FNBP4: variants seen among roughly 807,000 people sequenced by gnomAD.
The protein encoded by FNBP4 is formin-binding protein 4.
A neutral mutation model predicts 119.3 loss-of-function variants in FNBP4; 34 were observed. The ratio of observed to expected loss-of-function variants is 0.28; its 90% CI spans 0.22 to 0.38. The LOEUF (loss-of-function observed/expected upper bound fraction) is 0.38, where lower values mean the gene tolerates loss of function less well. Ranked by LOEUF, FNBP4 falls within the 10% of genes least tolerant of loss-of-function variation. FNBP4 has a pLI of 1.00. For synonymous variants in FNBP4, 462 were observed against 430.6 expected (o/e 1.07, Z -0.90); for missense variants, 1,112 against 1,228.9 (o/e 0.90, Z 1.42).
At chr11:47,739,065 C>T (rs2097578181) in intron 8 of FNBP4, among the ~76,000 whole-genome samples, 1 of 151,108 alleles carries the variant, frequency 6.6e-6, no homozygotes. Flanking sequence ...GGTATGATCA[C>T]AGCTTATTGC....
At chr11:47,752,368 T>C (rs544877322) in intron 4 of FNBP4, among the ~76,000 whole-genome samples, 11 of 148,030 alleles carry the variant, frequency 7.4e-5, no homozygotes, top group Admixed American at 1.4e-4. Context: ...GAGGTTGCAG[T>C]GAGCCGAGAT....
chr11:47,733,337 CT>C (rs950005832), intron 10 of FNBP4, among the ~76,000 whole-genome samples: 283 of 144,054 alleles, frequency 2.0e-3, no homozygotes, highest in Admixed American at 2.0e-3. Flanking sequence ...GGATTCAGTT[CT>C]TTTTTTTTTT....
rs1320434818 is a variant in FNBP4, at chr11:47,751,125, TTTTAAA to T, written c.785+12_785+17del. 1.2e-6 allele frequency: 2 copies of T among 1,613,748 alleles called. No homozygotes were observed. The highest frequency in any genetic ancestry group is 1.7e-6 in the Non-Finnish European group (2 of 1,179,850). Reference sequence around the variant, plus strand: ...TCAATTTCCTTCTAGGCAATTTCACTTTTAAATTTATTCTTACCTGGGCTGGTAATG... The same window carrying T: ...TCAATTTCCTTCTAGGCAATTTCACTTTTATTCTTACCTGGGCTGGTAATG... On this transcript the variant is annotated intron_variant, in intron 5 of 16. Coordinates refer to ENST00000263773, the MANE Select transcript of FNBP4 (RefSeq NM_015308.5).
chr11:47,755,823 G>A lies in FNBP4; in HGVS notation c.314-1159C>T, dbSNP rs573953949. Among the ~76,000 whole-genome samples, 4 of 151,404 alleles carry A rather than the reference G, an allele frequency of 2.6e-5. No homozygotes were observed. The South Asian group carries it at 6.3e-4, about 24-fold the overall frequency. ...AAAAAAAACAAAAACAAAAAAAATC[G>A]AGAACAAGAAAATTAATCTGCATAG... On this transcript the variant is annotated intron_variant, in intron 2 of 16. Transcript: ENST00000263773.
chr11:47,725,214 A>G (rs1254482347), intron 12 of FNBP4: 1 of 154,210 alleles, frequency 6.5e-6, no homozygotes, highest in Non-Finnish European at 1.4e-5. Flanking sequence ...AATAAAAGGT[A>G]ATAGTCTGGA....
chr11:47,753,032 G>A lies in FNBP4; in HGVS notation c.521C>T (p.Pro174Leu). Residue 174 changes from proline (P) to leucine (L), a missense_variant, in exon 4 of 17, where the codon CCT becomes CTT. Pro to Leu is a moderately conservative substitution (Grantham distance 98, BLOSUM62 -3). This residue lies in a region of FNBP4 where 286 missense variants were observed against 240.1 expected (regional missense o/e 1.19). Transcript: ENST00000263773. ...VGASAPPPTP[P>L]RPEPKEAATS... ...TGCTGCTTCCTTTGGCTCTGGTCGA[G>A]GTGGAGTTGGAGGTGGAGCAGAAGC... 6.2e-7 allele frequency: 1 copy of A among 1,614,136 alleles called. No individual in the cohort carries two copies. The highest frequency in any genetic ancestry group is 8.5e-7 in the Non-Finnish European group (1 of 1,180,012).
chr11:47,762,345 T>C (rs1599267927), intron 2 of FNBP4, among the ~76,000 whole-genome samples: 1 of 152,018 alleles, frequency 6.6e-6, no homozygotes, highest in South Asian at 2.1e-4. Flanking sequence ...GCCAGGATGG[T>C]CTTGAACTCC....
intron 2 of FNBP4, among the ~76,000 whole-genome samples, chr11:47,758,920 A>AT (rs576200543): frequency 0.21 from 29,452 of 141,098 alleles, 3,405 homozygotes; most frequent in African/African-American, 0.3. Flanking sequence ...AGTGTCTCTA[A>AT]TTTTTTTTTT....
Position 47,740,719 on chromosome 11 carries a change from A to G in FNBP4, c.1456+3234T>C, listed in dbSNP as rs920957494. 1.1e-4 allele frequency among the ~76,000 whole-genome samples: 17 copies of G among 151,662 alleles called. 1 individual carries two copies. The highest frequency in any genetic ancestry group is 3.9e-4 in the African/African-American group (16 of 41,092). ...GGTGATTTCCTGCCTCAGTCTCCCA[A>G]GTAGCTGGGATTACAGGCGAGCACC... is the stretch of plus-strand genomic sequence containing the variant. On this transcript the variant is annotated intron_variant, in intron 8 of 16. Transcript: ENST00000263773.
At chr11:47,757,047 T>C (rs1252803273) in intron 2 of FNBP4, among the ~76,000 whole-genome samples, 2 of 152,202 alleles carry the variant, frequency 1.3e-5, no homozygotes, top group African/African-American at 4.8e-5. Flanking sequence ...TTATAATCCT[T>C]TGGGTATATA....
intron 8 of FNBP4, among the ~76,000 whole-genome samples, chr11:47,738,112 T>C (rs969383009): frequency 6.6e-6 from 1 of 152,176 alleles, no homozygotes; most frequent in African/African-American, 2.4e-5. Flanking sequence ...ACATCTATAT[T>C]GAATCCACCT....
chr11:47,748,938 C>T (rs924488188), intron 6 of FNBP4, among the ~76,000 whole-genome samples: 15 of 152,194 alleles, frequency 9.9e-5, no homozygotes, highest in African/African-American at 2.4e-4. Flanking sequence ...TGAGCCACTG[C>T]GCCAAGCTCA....
chr11:47,729,507 C>A, intron 12 of FNBP4: 2 of 985,254 alleles, frequency 2.0e-6, no homozygotes, highest in Non-Finnish European at 2.4e-6. Context: ...TTTTGCACCC[C>A]TTCCCCCACT....
intron 2 of FNBP4, among the ~76,000 whole-genome samples, chr11:47,754,909 G>A (rs555974841): frequency 1.3e-5 from 2 of 152,178 alleles, no homozygotes; most frequent in South Asian, 2.1e-4. Context: ...TTGGGAGGCC[G>A]AGGTGGGTGG....
At chr11:47,728,279 T>C (rs2097563417) in intron 12 of FNBP4, among the ~76,000 whole-genome samples, 1 of 152,054 alleles carries the variant, frequency 6.6e-6, no homozygotes, top group Non-Finnish European at 1.5e-5. Context: ...ACGGAGTCTT[T>C]AAGCCTGTTG....
At chr11:47,742,477 CAAAAAAAAAAAA>C (rs568784009) in intron 8 of FNBP4, among the ~76,000 whole-genome samples, 9 of 23,760 alleles carry the variant, frequency 3.8e-4, no homozygotes, top group South Asian at 6.5e-3. Context: ...GACTCCGTCT[CAAAAAAAAAAAA>C]AAAAAAAAAA....
chr11:47,760,340 C>T (rs1369391248), intron 2 of FNBP4, among the ~76,000 whole-genome samples: 4 of 150,670 alleles, frequency 2.7e-5, no homozygotes, highest in African/African-American at 7.3e-5. Flanking sequence ...CGGCTCACTG[C>T]AGCCTCTGTT....
chr11:47,765,282 C>G lies in FNBP4; in HGVS notation c.301G>C (p.Val101Leu). The G allele has an allele frequency of 1.2e-6, 2 of 1,606,416 alleles. No homozygotes were observed. Among genetic ancestry groups the G allele is most frequent in the Non-Finnish European group, 1.7e-6 (2 of 1,176,894 alleles). The stretch of plus-strand genomic sequence containing the variant: ...AACAAAAGCATACCTGTTGCTTTAA[C>G]AGCTGTGGGTCTAGTGGTCATGACT... ...KPVMTTRPTA[V>L]KATGGLCLLG... The change falls in exon 2 of 17, where the codon GTT becomes CTT. Residue 101 changes from valine (V) to leucine (L), a missense_variant. Around this residue, in one of 2 missense-constraint regions of FNBP4, gnomAD observed 286 missense variants for 240.1 expected, o/e 1.19. Coordinates refer to ENST00000263773, the MANE Select transcript of FNBP4 (RefSeq NM_015308.5).
intron 2 of FNBP4, among the ~76,000 whole-genome samples, chr11:47,761,081 T>A (rs1184416690): frequency 6.6e-6 from 1 of 152,182 alleles, no homozygotes; most frequent in East Asian, 1.9e-4. Context: ...ACATACCTGA[T>A]TTATTACCAT....
Sources: allele counts gnomAD v4.1 joint callset (sites outside exome capture counted in the v4.1 genomes callset), GRCh38; gene constraint gnomAD v4.1.1; regional missense constraint gnomAD v4.1.1; transcripts MANE v1.5; gene names NCBI Gene and HGNC (gene_info 2026-07-23, HGNC 2026-07-21).